The following C1QTNF7 variants were observed in gnomAD, a reference collection of about 807,000 sequenced individuals.
The protein encoded by C1QTNF7 is C1q and TNF related 7, also known as complement C1q tumor necrosis factor-related protein 7.
C1QTNF7 carries 15 observed loss-of-function variants against 19.6 expected under a neutral mutation model. The ratio of observed to expected loss-of-function variants is 0.76; its 90% CI spans 0.51 to 1.18. The LOEUF (loss-of-function observed/expected upper bound fraction) is 1.18. C1QTNF7 is among the 50% of genes most tolerant of loss of function. The pLI, the probability that C1QTNF7 is intolerant of heterozygous loss-of-function variation, is 0.00. For synonymous variants in C1QTNF7, 142 were observed against 137.5 expected (o/e 1.03, Z -0.23); for missense variants, 324 against 359.7 (o/e 0.90, Z 0.80).
At chr4:15,349,315 C>A (rs1032940747) in intron 1 of C1QTNF7, among the ~76,000 whole-genome samples, 3 of 152,138 alleles carry the variant, frequency 2.0e-5, no homozygotes. Flanking sequence ...ACTCACCTCC[C>A]GCTCACTCTA....
intron 1 of C1QTNF7, among the ~76,000 whole-genome samples, chr4:15,392,389 GGAGTGT>G (rs1243957095): frequency 1.3e-5 from 2 of 152,172 alleles, no homozygotes; most frequent in African/African-American, 4.8e-5. Context: ...CACACACAAT[GGAGTGT>G]TAACTGCCAG....
chr4:15,391,125 C>T (rs905903293), intron 1 of C1QTNF7, among the ~76,000 whole-genome samples: 12 of 151,834 alleles, frequency 7.9e-5, no homozygotes, highest in African/African-American at 2.4e-4. Context: ...TCTAAGCATA[C>T]GGTCTGAACT....
chr4:15,411,003 C>T (rs1313750592), intron 1 of C1QTNF7, among the ~76,000 whole-genome samples: 6 of 152,108 alleles, frequency 3.9e-5, no homozygotes, highest in African/African-American at 7.2e-5. Context: ...GTTTCACACG[C>T]GAACAGGAAG....
chr4:15,422,208 TTTAAAAA>T (rs960397470), intron 1 of C1QTNF7, among the ~76,000 whole-genome samples: 1 of 41,264 alleles, frequency 2.4e-5, no homozygotes, highest in African/African-American at 5.2e-5. Context: ...CCTGTTTTTT[TTTAAAAA>T]AAAAAAAAAG....
intron 1 of C1QTNF7, among the ~76,000 whole-genome samples, chr4:15,434,878 C>T (rs1317664310): frequency 6.6e-6 from 1 of 152,168 alleles, no homozygotes; most frequent in East Asian, 1.9e-4. Context: ...GACACCACGA[C>T]ATTATATCCT....
intron 1 of C1QTNF7, among the ~76,000 whole-genome samples, chr4:15,420,242 C>T (rs1397610949): frequency 6.6e-6 from 1 of 152,186 alleles, no homozygotes; most frequent in African/African-American, 2.4e-5. Context: ...ACCATTAGCT[C>T]TCCATGAAAA....
intron 1 of C1QTNF7, among the ~76,000 whole-genome samples, chr4:15,347,266 T>C (rs1020583992): frequency 2.0e-4 from 31 of 152,200 alleles, no homozygotes; most frequent in Admixed American, 3.9e-4. Flanking sequence ...AAAACACTCA[T>C]ACTTCATAAG....
chr4:15,350,637 T>G (rs1426409492), intron 1 of C1QTNF7, among the ~76,000 whole-genome samples: 1 of 152,144 alleles, frequency 6.6e-6, no homozygotes, highest in Non-Finnish European at 1.5e-5. Flanking sequence ...CCAGCCCTTT[T>G]CCTTAGTTGG....
intron 1 of C1QTNF7, among the ~76,000 whole-genome samples, chr4:15,414,920 A>G (rs1719538754): frequency 6.6e-6 from 1 of 152,212 alleles, no homozygotes; most frequent in South Asian, 2.1e-4. Context: ...CTTACTCCAA[A>G]TTTGTTCTTA....
intron 1 of C1QTNF7, among the ~76,000 whole-genome samples, chr4:15,409,559 G>T (rs1719329457): frequency 6.6e-6 from 1 of 152,154 alleles, no homozygotes; most frequent in Non-Finnish European, 1.5e-5. Context: ...GCATAGCCAT[G>T]GTCAGAACCT....
intron 1 of C1QTNF7, among the ~76,000 whole-genome samples, chr4:15,341,119 TA>T (rs1716521487): frequency 6.6e-6 from 1 of 152,254 alleles, no homozygotes; most frequent in African/African-American, 2.4e-5. Context: ...GCTGAGATTT[TA>T]TCACAGCTCC....
At chr4:15,356,461 G>T (rs965082962) in intron 1 of C1QTNF7, among the ~76,000 whole-genome samples, 1 of 152,152 alleles carries the variant, frequency 6.6e-6, no homozygotes, top group African/African-American at 2.4e-5. Context: ...AGTATTCCAC[G>T]GTGTATATGT....
chr4:15,425,575 C>A (rs1444865397), upstream of C1QTNF7, among the ~76,000 whole-genome samples: 1 of 152,118 alleles, frequency 6.6e-6, no homozygotes, highest in Non-Finnish European at 1.5e-5. Flanking sequence ...TATGCAACTG[C>A]AAGTTGTTTG....
At chr4:15,394,695 C>A (rs1235406929) in intron 1 of C1QTNF7, among the ~76,000 whole-genome samples, 2 of 152,008 alleles carry the variant, frequency 1.3e-5, no homozygotes, top group Admixed American at 6.5e-5. Flanking sequence ...TCAAAAATTA[C>A]AAACATGTGT....
intron 1 of C1QTNF7, among the ~76,000 whole-genome samples, chr4:15,421,595 C>T (rs1711763141): frequency 6.6e-6 from 1 of 152,166 alleles, no homozygotes; most frequent in Admixed American, 6.5e-5. Flanking sequence ...CAAGTACTAT[C>T]ACTCTCCTCA....
chr4:15,353,145 T>G (rs1248507306), intron 1 of C1QTNF7, among the ~76,000 whole-genome samples: 1 of 152,160 alleles, frequency 6.6e-6, no homozygotes, highest in Non-Finnish European at 1.5e-5. Context: ...GAGCAAAATA[T>G]TGTTTTCTCT....
chr4:15,376,917 C>A (rs1417438748), intron 1 of C1QTNF7, among the ~76,000 whole-genome samples: 2 of 152,168 alleles, frequency 1.3e-5, no homozygotes, highest in Admixed American at 6.5e-5. Context: ...TTTTCAAATT[C>A]CAAGTTTTGT....
intron 1 of C1QTNF7, among the ~76,000 whole-genome samples, chr4:15,412,658 A>G (rs1719446171): frequency 6.6e-6 from 1 of 152,188 alleles, no homozygotes; most frequent in Admixed American, 6.5e-5. Context: ...CGTATGGTAA[A>G]CACACTCACA....
At chr4:15,439,392 A>G (rs1712662166) in intron 2 of C1QTNF7, among the ~76,000 whole-genome samples, 2 of 152,198 alleles carry the variant, frequency 1.3e-5, no homozygotes, top group Admixed American at 1.3e-4. Context: ...AGAGGGTGAG[A>G]CCTCAAACAA....
Sources: allele counts gnomAD v4.1 joint callset (sites outside exome capture counted in the v4.1 genomes callset), GRCh38; gene constraint gnomAD v4.1.1; transcripts MANE v1.5; gene names NCBI Gene and HGNC (gene_info 2026-07-23, HGNC 2026-07-21).